KANK1: variants seen among roughly 807,000 people sequenced by gnomAD.
KANK1 encodes KN motif and ankyrin repeat domains 1, also known as KN motif and ankyrin repeat domain-containing protein 1.
Under a neutral mutation model 106.2 loss-of-function variants are expected in KANK1, and 109 were observed. The ratio of observed to expected loss-of-function variants is 1.03; its 90% CI spans 0.88 to 1.20. The LOEUF (loss-of-function observed/expected upper bound fraction) is 1.20. Ranked by LOEUF, KANK1 falls within the 50% of genes most tolerant of loss-of-function variation. KANK1 has a pLI of 0.00. For missense variants in KANK1, 2,399 were observed against 1,710.7 expected, an observed-to-expected ratio of 1.40 and a Z score of -7.10; for synonymous variants, 873 against 652.2, an observed-to-expected ratio of 1.34 and a Z score of -5.16.
intron 1 of KANK1, among the ~76,000 whole-genome samples, chr9:624,077 A>G (rs1833807911): frequency 1.3e-5 from 2 of 152,228 alleles, no homozygotes. Context: ...TGCCATTTGC[A>G]ACAACATGGA....
At chr9:727,489 G>A (rs1831009238) in intron 3 of KANK1, among the ~76,000 whole-genome samples, 1 of 152,000 alleles carries the variant, frequency 6.6e-6, no homozygotes, top group African/African-American at 2.4e-5. Context: ...GCTAATTTTT[G>A]TATTTTTGTA....
intron 3 of KANK1, among the ~76,000 whole-genome samples, chr9:713,836 C>T (rs572179233): frequency 4.4e-4 from 67 of 152,206 alleles, no homozygotes; most frequent in South Asian, 4.2e-3. Flanking sequence ...CTGTTTGTAC[C>T]CACTATTACC....
chr9:507,835 T>C (rs1426658050), intron 1 of KANK1, among the ~76,000 whole-genome samples: 1 of 151,922 alleles, frequency 6.6e-6, no homozygotes, highest in Non-Finnish European at 1.5e-5. Context: ...GGATTACAGG[T>C]GTGAGCCACC....
In KANK1 at chr9:740,923, A is replaced by G. The variant is rs1198147289; in HGVS notation, c.3685A>G (p.Lys1229Glu). Reference sequence around the variant, plus strand: ...CTTCGGCTGTGGGGATGTGAATGCCAAAGCTAGTCAGGTTAGTGCGCCTGG... The same window carrying G: ...CTTCGGCTGTGGGGATGTGAATGCCGAAGCTAGTCAGGTTAGTGCGCCTGG... ...ELFGCGDVNA[K>E]ASQAGQTALM... The change falls in exon 9 of 12, where the codon AAA (lysine) becomes GAA (glutamate). Residue 1229 changes from lysine (K) to glutamate (E), a missense_variant. Transcript: ENST00000382297. The G allele has an allele frequency of 1.9e-6, 3 of 1,614,204 alleles. No individual in the cohort carries two copies. Among genetic ancestry groups the G allele is most frequent in the African/African-American group, 1.3e-5 (1 of 75,064 alleles).
chr9:530,957 A>G (rs920463995), intron 1 of KANK1, among the ~76,000 whole-genome samples: 1 of 152,174 alleles, frequency 6.6e-6, no homozygotes, highest in South Asian at 2.1e-4. Flanking sequence ...CAACATCTCA[A>G]TAAAATAAAA....
chr9:478,431 T>C (rs2058144058), intron 3 of KANK1: 1 of 152,416 alleles, frequency 6.6e-6, no homozygotes, highest in Non-Finnish European at 1.5e-5. Flanking sequence ...TGACATAGGG[T>C]CTGCATGAGT....
chr9:654,173 C>A (rs1841559988), intron 1 of KANK1, among the ~76,000 whole-genome samples: 2 of 152,254 alleles, frequency 1.3e-5, no homozygotes, highest in South Asian at 2.1e-4. Context: ...ACTGGACTTA[C>A]CTGAAGAGTC....
At chr9:576,076 C>T (rs1193938827) in intron 1 of KANK1, among the ~76,000 whole-genome samples, 1 of 152,138 alleles carries the variant, frequency 6.6e-6, no homozygotes, top group Non-Finnish European at 1.5e-5. Flanking sequence ...GTCTATGGAC[C>T]AGCATCATTC....
Position 616,561 on chromosome 9 carries a change from A to T in KANK1, c.-83-60329A>T, listed in dbSNP as rs146581894. ...CCAAATTTCACCACTGGAATTTCTG[A>T]ATACTTTATATCCTCTATCCTTCCA... On this transcript the variant is annotated intron_variant, in intron 1 of 11. Transcript: ENST00000382297. Among the ~76,000 whole-genome samples the T allele has an allele frequency of 1.2e-3, 188 of 152,316 alleles. 1 individual carries two copies. Among genetic ancestry groups the T allele is most frequent in the African/African-American group, 4.3e-3 (180 of 41,562 alleles).
chr9:546,518 C>T (rs980440031), intron 1 of KANK1, among the ~76,000 whole-genome samples: 9 of 151,982 alleles, frequency 5.9e-5, no homozygotes, highest in African/African-American at 2.2e-4. Context: ...AGAACAGGCT[C>T]CTTACATACT....
rs564255476 is a variant in KANK1, at chr9:741,029, C to T, written c.3696+95C>T. ...TGGCAGAGCAGGCATAGATGCCACG[C>T]TTCCACCACAGTGCACTTGTTTGCA... On this transcript the variant is annotated intron_variant, in intron 9 of 11. Coordinates refer to ENST00000382297, the MANE Select transcript of KANK1 (RefSeq NM_015158.5). The T allele has an allele frequency of 9.6e-4, 1,354 of 1,405,942 alleles. 23 individuals carry two copies. In the South Asian group the frequency reaches 0.017, roughly 18 times the overall value. The allele number at this position is 1,405,942 out of a possible 1,614,324, so 87.1% of individuals were successfully genotyped here.
chr9:492,045 T>C (rs532504645), intron 3 of KANK1: 1 of 152,354 alleles, frequency 6.6e-6, no homozygotes, highest in South Asian at 2.1e-4. Flanking sequence ...GGTATGTCTT[T>C]ATCAACAGTG....
chr9:493,254 A>G (rs943175385), intron 3 of KANK1, among the ~76,000 whole-genome samples: 27 of 151,480 alleles, frequency 1.8e-4, no homozygotes, highest in Non-Finnish European at 7.4e-5. Context: ...CTCCATCCCC[A>G]CTTGGTCTGG....
chr9:603,312 C>T (rs534094560), intron 1 of KANK1, among the ~76,000 whole-genome samples: 2 of 151,968 alleles, frequency 1.3e-5, no homozygotes, highest in East Asian at 3.9e-4. Context: ...AGTTCAGAAA[C>T]GTGGCTGGCT....
At chr9:533,594 C>G (rs1455127909) in intron 1 of KANK1, among the ~76,000 whole-genome samples, 1 of 152,178 alleles carries the variant, frequency 6.6e-6, no homozygotes, top group Non-Finnish European at 1.5e-5. Context: ...ATAGTTTTTA[C>G]TGGATCATAC....
rs779191832 is a variant in KANK1, at chr9:713,429, C to G, written c.2663C>G (p.Pro888Arg). The change falls in exon 3 of 12, where the codon CCT (proline) becomes CGT (arginine). Residue 888 changes from proline (P) to arginine (R), a missense_variant. By Grantham distance (103) the Pro-to-Arg change is moderately radical. Transcript: ENST00000382297. ...GCAAGCACTGAAGAGCTGAGGAACC[C>G]TGACTTCCAGAAAACCAGTCTGGGT... ...KSASTEELRN[P>R]DFQKTSLGKI... is the part of the protein sequence containing the mutation. The G allele has an allele frequency of 7.4e-5, 118 of 1,603,224 alleles. No homozygotes were observed. The South Asian group carries it at 9.8e-4, about 13-fold the overall frequency.
At position 738,335 on chromosome 9, in the gene KANK1, G is replaced by C. The variant is rs375640702; in HGVS notation, c.3384G>C (p.Gln1128His). Reference sequence around the variant, plus strand: ...ACGAGTGGTTCCGCGTGTCCAGTCAGAAGTCAGCCATTCCAGCCATGGTGG... The same window carrying C: ...ACGAGTGGTTCCGCGTGTCCAGTCACAAGTCAGCCATTCCAGCCATGGTGG... ...LQHEWFRVSS[Q>H]KSAIPAMVGD... The change falls in exon 8 of 12, where the codon CAG becomes CAC. Residue 1128 changes from glutamine (Q) to histidine (H), a missense_variant. Coordinates refer to ENST00000382297, the MANE Select transcript of KANK1 (RefSeq NM_015158.5). 15 of 1,614,026 alleles carry C rather than the reference G, an allele frequency of 9.3e-6. No individual in the cohort carries two copies. Among genetic ancestry groups the C allele is most frequent in the Non-Finnish European group, 1.3e-5 (15 of 1,180,032 alleles).
At chr9:647,999 C>CTTTTTTT (rs59053892) in intron 1 of KANK1, among the ~76,000 whole-genome samples, 1 of 118,336 alleles carries the variant, frequency 8.5e-6, no homozygotes, top group African/African-American at 3.6e-5. Flanking sequence ...GGGTTGTTAT[C>CTTTTTTT]TTTTTTTTTT....
chr9:662,051 A>C (rs951905770), intron 1 of KANK1, among the ~76,000 whole-genome samples: 1 of 152,180 alleles, frequency 6.6e-6, no homozygotes, highest in African/African-American at 2.4e-5. Context: ...GTAGAAGCCA[A>C]ATGATGAGTG....
Sources: gnomAD v4.1 joint callset for allele counts (sites outside exome capture counted in the v4.1 genomes callset) on GRCh38, gnomAD v4.1.1 for gene constraint, MANE v1.5 for transcripts, NCBI Gene and HGNC (gene_info 2026-07-23, HGNC 2026-07-21) for gene names.